HIVEP1: variants seen among roughly 807,000 people sequenced by gnomAD.
HIVEP1 encodes zinc finger protein 40.
A neutral mutation model predicts 180.0 loss-of-function variants in HIVEP1; 36 were observed. The observed-to-expected ratio is 0.20, with a 90% confidence interval of 0.15 to 0.26. The LOEUF is 0.26. Ranked by LOEUF, HIVEP1 falls within the 10% of genes least tolerant of loss-of-function variation. The pLI is 1.00. For missense variants in HIVEP1, 3,143 were observed against 3,268.7 expected, an observed-to-expected ratio of 0.96 and a Z score of 0.94; for synonymous variants, 1,239 against 1,239.0, an observed-to-expected ratio of 1.00 and a Z score of 0.00.
upstream of HIVEP1, among the ~76,000 whole-genome samples, chr6:12,011,076 C>T (rs979209136): frequency 1.3e-4 from 20 of 152,316 alleles, 1 homozygote; most frequent in Admixed American, 2.6e-4. Flanking sequence ...CCTTGGCTTT[C>T]CTCGCTCTTT....
chr6:12,083,437 G>A (rs970328875), intron 2 of HIVEP1, among the ~76,000 whole-genome samples: 3 of 152,118 alleles, frequency 2.0e-5, no homozygotes, highest in African/African-American at 7.2e-5. Flanking sequence ...TGTGTCAAGG[G>A]TCTAGTGACC....
intron 2 of HIVEP1, among the ~76,000 whole-genome samples, chr6:12,081,911 G>A (rs574213623): frequency 3.8e-4 from 58 of 152,014 alleles, no homozygotes; most frequent in African/African-American, 1.3e-3. Flanking sequence ...TGCATGCTTC[G>A]GGAAACACCA....
chr6:12,169,452 C>T (rs1379274048), downstream of HIVEP1, among the ~76,000 whole-genome samples: 1 of 152,136 alleles, frequency 6.6e-6, no homozygotes, highest in Non-Finnish European at 1.5e-5. Flanking sequence ...AACGCCCAGA[C>T]ATCCAAAATC....
chr6:12,059,298 A>C (rs754878876), intron 2 of HIVEP1, among the ~76,000 whole-genome samples: 2 of 152,156 alleles, frequency 1.3e-5, no homozygotes, highest in Admixed American at 6.5e-5. Context: ...TCGGCCTCCC[A>C]AAGTGCTGGA....
chr6:12,045,653 G>A (rs1213596247), intron 2 of HIVEP1, among the ~76,000 whole-genome samples: 5 of 152,176 alleles, frequency 3.3e-5, no homozygotes, highest in Non-Finnish European at 7.3e-5. Flanking sequence ...GTTTGTTAGA[G>A]GTGATTGATT....
chr6:12,048,823 T>C (rs1313079992), intron 2 of HIVEP1, among the ~76,000 whole-genome samples: 1 of 152,188 alleles, frequency 6.6e-6, no homozygotes, highest in Non-Finnish European at 1.5e-5. Context: ...CTGTTCTTTC[T>C]GCTTGGGGAC....
intron 2 of HIVEP1, among the ~76,000 whole-genome samples, chr6:12,061,778 G>A (rs554512228): frequency 6.6e-6 from 1 of 152,046 alleles, no homozygotes; most frequent in African/African-American, 2.4e-5. Context: ...TGTGGATATT[G>A]CCTTTGTTTA....
chr6:12,141,282 T>A (rs1347862379), intron 7 of HIVEP1, among the ~76,000 whole-genome samples: 4 of 151,724 alleles, frequency 2.6e-5, no homozygotes, highest in East Asian at 3.9e-4. Context: ...GCCTCATAAG[T>A]GAAGGAGAAA....
At position 12,124,424 on chromosome 6, in the gene HIVEP1, TTC is replaced by T; in HGVS notation, c.4631_4632del (p.Ser1544CysfsTer7). On this transcript the variant is annotated frameshift_variant, in exon 4 of 9. Coordinates refer to ENST00000379388, the MANE Select transcript of HIVEP1 (RefSeq NM_002114.4). LOFTEE classifies it high-confidence loss of function. ...CGCAGGGTAGCAAGCCAGATAAAAATTCTGTTTTATCTGGGTCTTCTAAAAGT... is the reference window on the plus strand; with the variant it reads ...CGCAGGGTAGCAAGCCAGATAAAAATTGTTTTATCTGGGTCTTCTAAAAGT... The part of the protein sequence containing the change: ...STQGSKPDKN[S>X]VLSGSSKSED... The T allele has an allele frequency of 6.2e-7, 1 of 1,613,912 alleles. No individual in the cohort carries two copies. Among genetic ancestry groups the T allele is most frequent in the Admixed American group, 1.7e-5 (1 of 60,018 alleles).
At chr6:12,103,779 G>A (rs1050040626) in intron 3 of HIVEP1, among the ~76,000 whole-genome samples, 12 of 152,128 alleles carry the variant, frequency 7.9e-5, no homozygotes, top group African/African-American at 2.9e-4. Context: ...TATAATATAA[G>A]TTAAATTTTA....
chr6:12,043,916 T>C (rs1177960526), intron 2 of HIVEP1, among the ~76,000 whole-genome samples: 4 of 152,220 alleles, frequency 2.6e-5, no homozygotes, highest in Non-Finnish European at 2.9e-5. Context: ...GATAAAAGTT[T>C]CCACAGAGTT....
intron 7 of HIVEP1, among the ~76,000 whole-genome samples, chr6:12,146,533 T>C (rs1759383662): frequency 6.6e-6 from 1 of 152,236 alleles, no homozygotes; most frequent in South Asian, 2.1e-4. Flanking sequence ...ACTTGATACC[T>C]TTACTTATAA....
chr6:12,079,155 C>T (rs1313889097), intron 2 of HIVEP1, among the ~76,000 whole-genome samples: 1 of 152,146 alleles, frequency 6.6e-6, no homozygotes, highest in African/African-American at 2.4e-5. Context: ...ATCCATCCCA[C>T]AGTGGGCAAC....
chr6:12,168,241 T>TATATAC (rs1760798915), downstream of HIVEP1, among the ~76,000 whole-genome samples: 1 of 83,354 alleles, frequency 1.2e-5, no homozygotes, highest in African/African-American at 4.7e-5. Flanking sequence ...ACATATATAT[T>TATATAC]ATATATACAG....
downstream of HIVEP1, among the ~76,000 whole-genome samples, chr6:12,167,618 G>A (rs1210127385): frequency 1.1e-5 from 1 of 89,280 alleles, no homozygotes; most frequent in Non-Finnish European, 2.4e-5. Context: ...TATATTACAT[G>A]TATATATACA....
chr6:12,061,303 G>A (rs988208632), intron 2 of HIVEP1, among the ~76,000 whole-genome samples: 5 of 152,200 alleles, frequency 3.3e-5, no homozygotes, highest in African/African-American at 1.2e-4. Context: ...GTTATAAAAA[G>A]AGACTAACTT....
intron 7 of HIVEP1, among the ~76,000 whole-genome samples, chr6:12,138,090 G>T (rs1169683568): frequency 6.6e-6 from 1 of 152,054 alleles, no homozygotes; most frequent in Admixed American, 6.5e-5. Flanking sequence ...TGCACTGGGG[G>T]TTTTCCTTTC....
chr6:12,163,861 T>G lies in HIVEP1; in HGVS notation c.7557T>G (p.Ala2519=), dbSNP rs778099082. The change falls in exon 9 of 9, where the codon GCT becomes GCG. Residue 2519 remains alanine, a synonymous_variant. Coordinates refer to ENST00000379388, the MANE Select transcript of HIVEP1 (RefSeq NM_002114.4). Reference sequence around the variant, plus strand: ...ATCCACCAGGACTGGCTCTGAATGCTGTCGGACTGCAGGTTCTGACTGCAA... The same window carrying G: ...ATCCACCAGGACTGGCTCTGAATGCGGTCGGACTGCAGGTTCTGACTGCAA... ...QVHPPGLALN[A]VGLQVLTANP... is the part of the protein sequence containing the mutation. 32 of 1,614,074 alleles carry G rather than the reference T, an allele frequency of 2.0e-5. No homozygotes were observed. Among genetic ancestry groups the G allele is most frequent in the Non-Finnish European group, 2.5e-5 (30 of 1,180,030 alleles).
At chr6:12,058,442 A>G (rs1305243790) in intron 2 of HIVEP1, among the ~76,000 whole-genome samples, 1 of 152,184 alleles carries the variant, frequency 6.6e-6, no homozygotes, top group Non-Finnish European at 1.5e-5. Context: ...TTAAAATCCT[A>G]GAGTCATTGA....
Sources: gnomAD v4.1 joint callset for allele counts (sites outside exome capture counted in the v4.1 genomes callset) on GRCh38, gnomAD v4.1.1 for gene constraint, MANE v1.5 for transcripts, NCBI Gene and HGNC (gene_info 2026-07-23, HGNC 2026-07-21) for gene names.